Variants in PRKCA observed in about 807,000 individuals in gnomAD.
The protein encoded by PRKCA is protein kinase C alpha type.
Under a neutral mutation model 87.0 loss-of-function variants are expected in PRKCA, and 27 were observed. That is an observed-to-expected ratio of 0.31 (90% CI 0.23 to 0.43). The LOEUF (loss-of-function observed/expected upper bound fraction) is 0.43. Ranked by LOEUF, PRKCA falls within the 20% of genes least tolerant of loss-of-function variation. The probability of loss-of-function intolerance (pLI) is 1.00; values close to 1 mark genes in which losing one functional copy is unlikely to be tolerated. For synonymous variants in PRKCA, 329 were observed against 311.1 expected (o/e 1.06, Z -0.61); for missense variants, 518 against 852.3 (o/e 0.61, Z 4.88).
At chr17:66,725,276 C>T (rs1973717026) in intron 8 of PRKCA, among the ~76,000 whole-genome samples, 1 of 152,216 alleles carries the variant, frequency 6.6e-6, no homozygotes, top group Admixed American at 6.5e-5. Flanking sequence ...ACCTGACTAT[C>T]AGCTGCCTTT....
chr17:66,798,285 C>T (rs1194111942), intron 16 of PRKCA, among the ~76,000 whole-genome samples: 2 of 152,032 alleles, frequency 1.3e-5, no homozygotes, highest in African/African-American at 4.8e-5. Context: ...AGAATCTCTT[C>T]CACATTAGGA....
intron 3 of PRKCA, among the ~76,000 whole-genome samples, chr17:66,519,560 T>C (rs754949650): frequency 2.0e-5 from 3 of 152,186 alleles, no homozygotes; most frequent in Non-Finnish European, 4.4e-5. Context: ...CACCTTTCAA[T>C]TGGTGATTCT....
chr17:66,341,523 A>G (rs149979277), intron 2 of PRKCA, among the ~76,000 whole-genome samples: 1 of 152,354 alleles, frequency 6.6e-6, no homozygotes, highest in East Asian at 1.9e-4. Flanking sequence ...CTGTGTATAC[A>G]TGTCAAATCT....
intron 14 of PRKCA, chr17:66,778,188 A>G: frequency 2.0e-6 from 2 of 985,308 alleles, no homozygotes; most frequent in Non-Finnish European, 2.4e-6. Context: ...CCTGCCTTAT[A>G]TGCATACTTT....
At chr17:66,533,858 C>T (rs1033230697) in intron 3 of PRKCA, among the ~76,000 whole-genome samples, 12 of 152,124 alleles carry the variant, frequency 7.9e-5, no homozygotes, top group East Asian at 1.9e-4. Flanking sequence ...GCAGACAAGC[C>T]GGCTTCTCAG....
chr17:66,533,970 G>A (rs529099470), intron 3 of PRKCA, among the ~76,000 whole-genome samples: 2 of 151,992 alleles, frequency 1.3e-5, no homozygotes, highest in South Asian at 2.1e-4. Flanking sequence ...CCTGCCTTTT[G>A]GAGGAGTGGG....
At chr17:66,304,156 T>G (rs1461078973) in intron 1 of PRKCA, among the ~76,000 whole-genome samples, 1 of 152,144 alleles carries the variant, frequency 6.6e-6, no homozygotes, top group Non-Finnish European at 1.5e-5. Context: ...GGAGGGTCCC[T>G]GGGGGCTTAT....
At chr17:66,540,655 C>A (rs1967955765) in intron 3 of PRKCA, among the ~76,000 whole-genome samples, 1 of 152,184 alleles carries the variant, frequency 6.6e-6, no homozygotes, top group African/African-American at 2.4e-5. Flanking sequence ...CTGGATTTTG[C>A]AGAGGGTTCC....
chr17:66,357,812 G>A (rs1010191430), intron 2 of PRKCA, among the ~76,000 whole-genome samples: 4 of 152,222 alleles, frequency 2.6e-5, no homozygotes, highest in Admixed American at 1.3e-4. Context: ...ACTGAATGCC[G>A]TGTCAATAGG....
intron 5 of PRKCA, among the ~76,000 whole-genome samples, chr17:66,678,195 A>G (rs1442076337): frequency 3.3e-5 from 5 of 152,214 alleles, no homozygotes; most frequent in African/African-American, 1.2e-4. Flanking sequence ...CACAGAGAAG[A>G]AGGTGATGTG....
At chr17:66,585,478 G>A (rs1229826957) in intron 3 of PRKCA, among the ~76,000 whole-genome samples, 10 of 152,292 alleles carry the variant, frequency 6.6e-5, no homozygotes, top group South Asian at 4.2e-4. Flanking sequence ...TCTTACCCTC[G>A]CTAACTGCCT....
intron 3 of PRKCA, among the ~76,000 whole-genome samples, chr17:66,634,217 A>G (rs1041395325): frequency 6.6e-6 from 1 of 152,154 alleles, no homozygotes; most frequent in African/African-American, 2.4e-5. Context: ...TTTTTTTCCT[A>G]AGAGGTTTAG....
chr17:66,436,335 G>T (rs1913392785), intron 2 of PRKCA, among the ~76,000 whole-genome samples: 1 of 152,270 alleles, frequency 6.6e-6, no homozygotes, highest in East Asian at 1.9e-4. Flanking sequence ...TCAAACCCCG[G>T]TTCTACCAGT....
intron 3 of PRKCA, among the ~76,000 whole-genome samples, chr17:66,627,830 C>A (rs1416174492): frequency 1.3e-5 from 2 of 152,158 alleles, no homozygotes; most frequent in African/African-American, 2.4e-5. Flanking sequence ...ATTGAACCTT[C>A]ATAGTTTCCC....
intron 2 of PRKCA, among the ~76,000 whole-genome samples, chr17:66,457,331 T>C (rs1488209271): frequency 6.6e-6 from 1 of 152,024 alleles, no homozygotes; most frequent in Non-Finnish European, 1.5e-5. Context: ...GGTTTCTTAG[T>C]GTAGGGGATG....
chr17:66,614,170 A>G (rs566995210), intron 3 of PRKCA, among the ~76,000 whole-genome samples: 23 of 152,194 alleles, frequency 1.5e-4, no homozygotes, highest in African/African-American at 5.1e-4. Context: ...TTCCAGCTGG[A>G]CGTGAAGTGG....
intron 3 of PRKCA, among the ~76,000 whole-genome samples, chr17:66,623,997 A>G (rs566075712): frequency 5.3e-5 from 8 of 152,172 alleles, no homozygotes; most frequent in Non-Finnish European, 1.2e-4. Flanking sequence ...CTGTACCCAA[A>G]GACACTGAGG....
intron 13 of PRKCA, among the ~76,000 whole-genome samples, chr17:66,758,260 G>C (rs1278605440): frequency 6.6e-6 from 1 of 152,186 alleles, no homozygotes; most frequent in African/African-American, 2.4e-5. Context: ...GAAATGATTT[G>C]GTTATAAGGG....
intron 5 of PRKCA, among the ~76,000 whole-genome samples, chr17:66,657,570 T>C (rs1463809993): frequency 6.6e-6 from 1 of 152,178 alleles, no homozygotes; most frequent in Non-Finnish European, 1.5e-5. Flanking sequence ...GGGGGTACAG[T>C]GCAGGAGAGA....
Sources: allele counts gnomAD v4.1 joint callset (sites outside exome capture counted in the v4.1 genomes callset), GRCh38; gene constraint gnomAD v4.1.1; transcripts MANE v1.5; gene names NCBI Gene and HGNC (gene_info 2026-07-23, HGNC 2026-07-21).